SDS: variants seen among roughly 807,000 people sequenced by gnomAD.
The protein encoded by SDS is serine dehydratase.
In SDS, 19 loss-of-function variants were observed where a neutral mutation model predicts 29.3. The ratio of observed to expected loss-of-function variants is 0.65; its 90% CI spans 0.45 to 0.95. The LOEUF (loss-of-function observed/expected upper bound fraction) is 0.95, where lower values mean the gene tolerates loss of function less well. SDS is among the 40% of genes least tolerant of loss of function. The pLI, the probability that SDS is intolerant of heterozygous loss-of-function variation, is 0.00. For synonymous variants in SDS, 176 were observed against 189.0 expected, an observed-to-expected ratio of 0.93 and a Z score of 0.56; for missense variants, 375 against 439.9, an observed-to-expected ratio of 0.85 and a Z score of 1.32.
rs540701675 is a variant in SDS, at chr12:113,398,793, C to T, written c.247G>A (p.Ala83Thr). ...AYAARQLGVPATIVVPSTTPA... is the reference protein window; with the variant it reads ...AYAARQLGVPTTIVVPSTTPA... ...GTGGTGCTGGGCACCACGATGGTGG[C>T]GGGGACGCCGAGTTGCCTGGCCGCA... Residue 83 changes from alanine to threonine, a missense_variant, in exon 4 of 8, where the codon GCC (alanine) becomes ACC (threonine). Physicochemically the swap from Ala to Thr is moderately conservative, Grantham distance 58. Coordinates refer to ENST00000257549, the MANE Select transcript of SDS (RefSeq NM_006843.3). 1.5e-5 allele frequency: 25 copies of T among 1,613,290 alleles called. No individual in the cohort carries two copies. Among genetic ancestry groups the T allele is most frequent in the African/African-American group, 1.2e-4 (9 of 75,042 alleles).
chr12:113,396,557 CCTTCCTTCCTTCCTTCCTTCCT>C (rs1565869446), intron 6 of SDS: 1 of 62,218 alleles, frequency 1.6e-5, no homozygotes, highest in African/African-American at 6.3e-5. Context: ...TTCCTTCCTT[CCTTCCTTCCTTCCTTCCTTCCT>C]TCCTTCCTTC....
chr12:113,399,513 G>T (rs1359366271), intron 2 of SDS, 43 bp downstream of exon 2: 17 of 1,495,880 alleles, frequency 1.1e-5, no homozygotes, highest in Non-Finnish European at 1.5e-5. Flanking sequence ...GAGGAAGGAG[G>T]ACCTGCCACC....
At chr12:113,396,479 T>TAC in intron 6 of SDS, among the ~76,000 whole-genome samples, 1 of 50,806 alleles carries the variant, frequency 2.0e-5, no homozygotes, top group Non-Finnish European at 3.9e-5. Context: ...TTTTCTTTCT[T>TAC]TCTCTCTCTT....
intron 1 of SDS, among the ~76,000 whole-genome samples, 158 bp from the exon 2 acceptor site, chr12:113,399,868 C>T (rs1464408918): frequency 1.3e-5 from 2 of 152,222 alleles, no homozygotes; most frequent in East Asian, 1.9e-4. Flanking sequence ...GGGCCACCTA[C>T]TCACCATGTG....
At chr12:113,393,189 TC>T in intron 7 of SDS, 40 bp from the exon 8 acceptor site, 1 of 1,592,628 alleles carries the variant, frequency 6.3e-7, no homozygotes, top group Non-Finnish European at 8.6e-7. Context: ...GGCCTGAGTT[TC>T]CCAGGGTGCA....
intron 2 of SDS, 135 bp downstream of exon 2, chr12:113,399,418 ATGG>A: frequency 9.1e-7 from 1 of 1,100,852 alleles, no homozygotes; most frequent in Non-Finnish European, 1.3e-6. Flanking sequence ...GGAAGCCCTA[ATGG>A]TGGACGCTCA....
chr12:113,393,175 G>A, intron 7 of SDS, 26 bp from the exon 8 acceptor site: 2 of 1,609,938 alleles, frequency 1.2e-6, no homozygotes, highest in South Asian at 1.1e-5. Context: ...CGTGACAGGG[G>A]CGTGGCCTGA....
intron 5 of SDS, 99 bp from the exon 6 acceptor site, chr12:113,397,491 G>T: frequency 1.0e-6 from 1 of 983,614 alleles, no homozygotes; most frequent in South Asian, 1.6e-5. Context: ...GGGGCCTGGA[G>T]CTAGTTCCCT....
intron 1 of SDS, among the ~76,000 whole-genome samples, chr12:113,400,449 G>C (rs1957678077): frequency 6.6e-6 from 1 of 151,858 alleles, no homozygotes; most frequent in Non-Finnish European, 1.5e-5. Flanking sequence ...CTCCAGCCTG[G>C]GCAACAGAGT....
intron 5 of SDS, 64 bp from the exon 6 acceptor site, chr12:113,397,456 T>A: frequency 7.2e-7 from 1 of 1,385,044 alleles, no homozygotes; most frequent in Non-Finnish European, 1.0e-6. Context: ...CAGCTCAGGT[T>A]TGCACCGGCC....
At position 113,392,890 on chromosome 12, in the gene SDS, C is replaced by T. The variant is rs1198518770; in HGVS notation, c.*51G>A. The T allele has an allele frequency of 4.5e-6, 7 of 1,560,236 alleles. No individual in the cohort carries two copies. The highest frequency in any genetic ancestry group is 6.2e-6 in the Non-Finnish European group (7 of 1,135,702). Reference sequence around the variant, plus strand: ...GAGGCGCTGGATAAAACTCCAGCCCCTCCAGGGGTCTCTTGGGCTAGGAGA... The same window carrying T: ...GAGGCGCTGGATAAAACTCCAGCCCTTCCAGGGGTCTCTTGGGCTAGGAGA... On this transcript the variant is annotated 3_prime_UTR_variant, in exon 8 of 8. Transcript: ENST00000257549.
At chr12:113,398,429 G>A (rs145097533) in intron 5 of SDS, 86 bp downstream of exon 5, 39 of 832,752 alleles carry the variant, frequency 4.7e-5, no homozygotes, top group Admixed American at 1.4e-4. Context: ...GCATGAGGAC[G>A]TGATGATGTG....
At position 113,393,754 on chromosome 12, in the gene SDS, T is replaced by G. The variant is rs1039817164; in HGVS notation, c.778+138A>C. On this transcript the variant is annotated intron_variant, in intron 7 of 7. Coordinates refer to ENST00000257549, the MANE Select transcript of SDS (RefSeq NM_006843.3). ...ACGGCATTGTATTATCTTCTATTAA[T>G]GGAAAATTCTAGGCAGAGGTGGAAG... 10 of 1,117,712 alleles carry G rather than the reference T, an allele frequency of 8.9e-6. No individual in the cohort carries two copies. In the East Asian group the frequency reaches 1.2e-4, roughly 13 times the overall value. The allele number at this position is 1,117,712 out of a possible 1,614,324, so 69.2% of individuals were successfully genotyped here.
At chr12:113,396,534 C>A (rs1403192451) in intron 6 of SDS, 1 of 105,574 alleles carries the variant, frequency 9.5e-6, no homozygotes, top group Non-Finnish European at 2.0e-5. Flanking sequence ...CCCTCCCTCC[C>A]TCCCTCTCTC....
At chr12:113,394,149 C>T in intron 6 of SDS, 133 bp from the exon 7 acceptor site, 2 of 790,292 alleles carry the variant, frequency 2.5e-6, no homozygotes, top group South Asian at 1.8e-5. Flanking sequence ...ACAGGTATCA[C>T]CTCTGCAGCT....
chr12:113,397,010 G>A, intron 6 of SDS, 155 bp downstream of exon 6: 1 of 676,350 alleles, frequency 1.5e-6, no homozygotes. Context: ...AGTCCAAGCT[G>A]TACCACTCAC....
In SDS at chr12:113,393,153, C is replaced by A; in HGVS notation, c.779-4G>T. The stretch of plus-strand genomic sequence containing the variant: ...TCCACCAGGATCTTCTCATCATCTG[C>A]CAGAGAAGGGGCGTGACAGGGGCGT... On this transcript the variant is annotated splice_polypyrimidine_tract_variant and splice_region_variant and intron_variant, in intron 7 of 7. Transcript: ENST00000257549. 1.2e-6 allele frequency: 2 copies of A among 1,613,274 alleles called. No homozygotes were observed. Among genetic ancestry groups the A allele is most frequent in the South Asian group, 2.2e-5 (2 of 91,030 alleles).
At position 113,392,919 on chromosome 12, in the gene SDS, C is replaced by T; in HGVS notation, c.*22G>A. On this transcript the variant is annotated 3_prime_UTR_variant, in exon 8 of 8. Transcript: ENST00000257549. The stretch of plus-strand genomic sequence containing the variant: ...AGGGGTCTCTTGGGCTAGGAGAGCA[C>T]AGATCGGTAAGGGGTCCGTCCTCAC... 6.2e-7 allele frequency: 1 copy of T among 1,611,164 alleles called. No homozygotes were observed. The highest frequency in any genetic ancestry group is 8.5e-7 in the Non-Finnish European group (1 of 1,177,574).
In SDS at chr12:113,392,755, TCCAATTCATAGCCTCGCTGGCTG is replaced by T. The variant is rs1306697366; in HGVS notation, c.*163_*185del. On this transcript the variant is annotated 3_prime_UTR_variant, in exon 8 of 8. Transcript: ENST00000257549. ...AGCAGTCACACAGATACCAAAAAGG[TCCAATTCATAGCCTCGCTGGCTG>T]CCGACCTTTGGCCTCTGCATAGTGG... 1 of 664,502 alleles carries T rather than the reference TCCAATTCATAGCCTCGCTGGCTG, an allele frequency of 1.5e-6. No individual in the cohort carries two copies. The highest frequency in any genetic ancestry group is 2.6e-5 in the East Asian group (1 of 38,628). 41.2% of individuals were successfully genotyped at this position (664,502 alleles called of 1,614,324 possible).
Sources: allele counts gnomAD v4.1 joint callset (sites outside exome capture counted in the v4.1 genomes callset), GRCh38; gene constraint gnomAD v4.1.1; transcripts MANE v1.5; gene names NCBI Gene and HGNC (gene_info 2026-07-23, HGNC 2026-07-21).